PATZ1: variants seen among roughly 807,000 people sequenced by gnomAD.
PATZ1 encodes POZ-, AT hook-, and zinc finger-containing protein 1.
A neutral mutation model predicts 46.2 loss-of-function variants in PATZ1; 9 were observed. That is an observed-to-expected ratio of 0.19 (90% CI 0.12 to 0.34). The LOEUF is 0.34. PATZ1 is among the 10% of genes least tolerant of loss of function. The pLI, the probability that PATZ1 is intolerant of heterozygous loss-of-function variation, is 1.00. For synonymous variants in PATZ1, 426 were observed against 378.6 expected, an observed-to-expected ratio of 1.13 and a Z score of -1.45; for missense variants, 632 against 923.0, an observed-to-expected ratio of 0.68 and a Z score of 4.08.
chr22:31,332,185 C>G (rs886712392), intron 3 of PATZ1, among the ~76,000 whole-genome samples: 2 of 152,172 alleles, frequency 1.3e-5, no homozygotes, highest in Non-Finnish European at 2.9e-5. Context: ...GCAGACTGTA[C>G]TATCTATAGC....
chr22:31,335,972 C>A, intron 2 of PATZ1, 109 bp from the exon 3 acceptor site: 1 of 972,618 alleles, frequency 1.0e-6, no homozygotes, highest in African/African-American at 1.6e-5. Flanking sequence ...ACATGACCTC[C>A]CTTTATAAAG....
Position 31,326,697 on chromosome 22 carries a change from T to C in PATZ1, c.*194A>G, listed in dbSNP as rs1215101480. On this transcript the variant is annotated 3_prime_UTR_variant, in exon 5 of 5. Transcript: ENST00000266269. ...AAGTCTCATTGATATTTCTGCAGAATATCAGATGAAAATCTATTTCTAAAG... is the reference window on the plus strand; with the variant it reads ...AAGTCTCATTGATATTTCTGCAGAACATCAGATGAAAATCTATTTCTAAAG... The C allele has an allele frequency of 1.7e-6, 1 of 581,756 alleles. No homozygotes were observed. Among genetic ancestry groups the C allele is most frequent in the Non-Finnish European group, 3.0e-6 (1 of 331,508 alleles). The allele number at this position is 581,756 out of a possible 1,614,324, so 36.0% of individuals were successfully genotyped here. A position where few individuals can be genotyped will look rare whatever the true frequency, so the allele number is the denominator to read the frequency against.
At chr22:31,340,319 C>T (rs2049564183) in intron 2 of PATZ1, among the ~76,000 whole-genome samples, 1 of 152,236 alleles carries the variant, frequency 6.6e-6, no homozygotes, top group Non-Finnish European at 1.5e-5. Flanking sequence ...TCTCTGGCAT[C>T]AGGAGGGGAT....
chr22:31,335,082 TG>T (rs2049491904), intron 3 of PATZ1, among the ~76,000 whole-genome samples: 1 of 152,116 alleles, frequency 6.6e-6, no homozygotes, highest in Non-Finnish European at 1.5e-5. Flanking sequence ...ACAACACCAC[TG>T]CCACAGAGTT....
chr22:31,335,035 C>T (rs753899213), intron 3 of PATZ1, among the ~76,000 whole-genome samples: 12 of 152,176 alleles, frequency 7.9e-5, no homozygotes, highest in Admixed American at 2.0e-4. Context: ...CAACTAGACC[C>T]GGCAGAACCT....
chr22:31,342,336 T>G (rs1601496496), intron 2 of PATZ1, among the ~76,000 whole-genome samples: 1 of 152,222 alleles, frequency 6.6e-6, no homozygotes, highest in East Asian at 1.9e-4. Context: ...CCAGAAACCC[T>G]GGCTTAGGAT....
At position 31,344,672 on chromosome 22, in the gene PATZ1, C is replaced by T; in HGVS notation, c.931G>A (p.Glu311Lys). Residue 311 changes from glutamate to lysine, a missense_variant, in exon 1 of 5, where the codon GAG (glutamate) becomes AAG (lysine). Physicochemically the swap from Glu to Lys is moderately conservative, Grantham distance 56. Around this residue, in one of 7 missense-constraint regions of PATZ1, gnomAD observed 279 missense variants for 284.3 expected, o/e 0.98. Coordinates refer to ENST00000266269, the MANE Select transcript of PATZ1 (RefSeq NM_014323.3). ...AGGCTGGTGACACCGTGCTGGGCCT[C>T]GTGCTGCCGGAGCCGGTTGGCATCA... ...FTDANRLRQH[E>K]AQHGVTSLQL... 6.2e-7 allele frequency: 1 copy of T among 1,613,972 alleles called. No individual in the cohort carries two copies. Among genetic ancestry groups the T allele is most frequent in the Non-Finnish European group, 8.5e-7 (1 of 1,180,018 alleles).
At chr22:31,336,475 A>G (rs131209) in intron 2 of PATZ1, among the ~76,000 whole-genome samples, 93,949 of 151,914 alleles carry the variant, frequency 0.62, 30,859 homozygotes, top group East Asian at 0.93. Context: ...TTCTGACGAC[A>G]TGAGAATTAG....
chr22:31,342,344 G>A (rs555831077), intron 2 of PATZ1, among the ~76,000 whole-genome samples: 198 of 152,214 alleles, frequency 1.3e-3, no homozygotes, highest in Non-Finnish European at 2.5e-3. Context: ...CCTGGCTTAG[G>A]ATGGGTTAAA....
intron 2 of PATZ1, among the ~76,000 whole-genome samples, chr22:31,342,652 A>G (rs976859564): frequency 2.0e-5 from 3 of 152,200 alleles, no homozygotes; most frequent in Non-Finnish European, 4.4e-5. Context: ...AACAGAGTGA[A>G]GGCAAAGACA....
Position 31,327,170 on chromosome 22 carries a change from G to A in PATZ1, c.1785C>T (p.Asn595=). ...TCTTCTCCCCATCAGACTCCATTTT[G>A]TTTTTGGGGACTGCCATGTCGCAGG... The part of the protein sequence containing the change: ...SFSCDMAVPK[N]KMESDGEKKY... The change falls in exon 5 of 5, where the codon AAC becomes AAT. Residue 595 remains asparagine, a synonymous_variant. Transcript: ENST00000266269. This position sits in a 1 kb window ranked among gnomAD's most constrained non-coding sequence, Gnocchi z 4.2. The A allele has an allele frequency of 6.2e-7, 1 of 1,614,164 alleles. No homozygotes were observed. Among genetic ancestry groups the A allele is most frequent in the Non-Finnish European group, 8.5e-7 (1 of 1,180,022 alleles).
At chr22:31,337,518 C>T (rs1231043996) in intron 2 of PATZ1, 1 of 152,148 alleles carries the variant, frequency 6.6e-6, no homozygotes. Flanking sequence ...CAAAGGCATT[C>T]CAGCTGTGGG....
chr22:31,344,009 G>GC (rs2049616613), intron 1 of PATZ1, among the ~76,000 whole-genome samples: 1 of 152,220 alleles, frequency 6.6e-6, no homozygotes, highest in African/African-American at 2.4e-5. Flanking sequence ...CCCAGAGGGG[G>GC]CCCCACGCCT....
At chr22:31,342,685 A>C (rs1249360228) in intron 2 of PATZ1, among the ~76,000 whole-genome samples, 1 of 152,148 alleles carries the variant, frequency 6.6e-6, no homozygotes, top group African/African-American at 2.4e-5. Flanking sequence ...GGACCAAGCA[A>C]CCAGGAAGGA....
intron 1 of PATZ1, 85 bp from the exon 2 acceptor site, chr22:31,343,045 C>G: frequency 6.3e-7 from 1 of 1,585,262 alleles, no homozygotes; most frequent in Non-Finnish European, 8.6e-7. Flanking sequence ...TGTACACACA[C>G]ACACACACTC....
In PATZ1 at chr22:31,344,595, T is replaced by G; in HGVS notation, c.1008A>C (p.Leu336=). The G allele has an allele frequency of 2.5e-6, 4 of 1,614,118 alleles. No homozygotes were observed. The highest frequency in any genetic ancestry group is 2.2e-5 in the East Asian group (1 of 44,888). ...LPPPRLGENG[L]PISEDPDGPR... is the part of the protein sequence containing the mutation. ...GGCCGTCGGGGTCTTCAGAGATGGGTAGCCCATTCTCACCCAGCCTCGGAG... is the reference window on the plus strand; with the variant it reads ...GGCCGTCGGGGTCTTCAGAGATGGGGAGCCCATTCTCACCCAGCCTCGGAG... Residue 336 remains leucine (L), a synonymous_variant, in exon 1 of 5, where the codon CTA becomes CTC. Transcript: ENST00000266269.
rs745974151 is a variant in PATZ1 at position 31,344,968 on chromosome 22, GCCT to G, written c.632_634del (p.Glu211del). On this transcript the variant is annotated inframe_deletion, in exon 1 of 5. Transcript: ENST00000266269. The stretch of plus-strand genomic sequence containing the variant: ...AATGGCTGCACCAGCCGCCCGAGCT[GCCT>G]CCTCCTCTGGCTGCATGCTGCCGGC... 3.3e-5 allele frequency: 53 copies of G among 1,613,754 alleles called. No individual in the cohort carries two copies. Among genetic ancestry groups the G allele is most frequent in the Non-Finnish European group, 4.1e-5 (48 of 1,180,062 alleles).
intron 2 of PATZ1, chr22:31,341,012 A>G: frequency 9.3e-7 from 1 of 1,076,486 alleles, no homozygotes; most frequent in Non-Finnish European, 1.1e-6. Flanking sequence ...GGAGTGGGGA[A>G]AGGGGTGGCC....
At chr22:31,339,397 G>A (rs1182300023) in intron 2 of PATZ1, among the ~76,000 whole-genome samples, 3 of 152,166 alleles carry the variant, frequency 2.0e-5, no homozygotes, top group African/African-American at 7.2e-5. Flanking sequence ...GTTTTCTGGG[G>A]AGCCTGTGAA....
Sources: allele counts gnomAD v4.1 joint callset (sites outside exome capture counted in the v4.1 genomes callset), GRCh38; gene constraint gnomAD v4.1.1; regional missense constraint gnomAD v4.1.1; non-coding constraint Gnocchi (gnomAD v3.1); transcripts MANE v1.5; gene names NCBI Gene and HGNC (gene_info 2026-07-23, HGNC 2026-07-21).